The following GID4 variants were observed in gnomAD, a reference collection of about 807,000 sequenced individuals.
GID4 encodes the protein glucose-induced degradation protein 4 homolog.
GID4 carries 7 observed loss-of-function variants against 32.4 expected under a neutral mutation model. The observed-to-expected ratio is 0.22, with a 90% CI of 0.12 to 0.41. GID4 has a LOEUF of 0.41. Ranked by LOEUF, GID4 falls within the 10% of genes least tolerant of loss-of-function variation. GID4 has a pLI of 1.00. For missense variants in GID4, 309 were observed against 400.0 expected (o/e 0.77, Z 1.94); for synonymous variants, 166 against 170.0 (o/e 0.98, Z 0.18).
At chr17:18,051,056 C>T (rs757154853) in intron 2 of GID4, among the ~76,000 whole-genome samples, 90 of 152,234 alleles carry the variant, frequency 5.9e-4, no homozygotes, top group Middle Eastern at 6.8e-3. Flanking sequence ...CCTGTAGTTA[C>T]CCTGATATAC....
At position 18,067,012 on chromosome 17, in the gene GID4, C is replaced by T. The variant is rs2045070020; in HGVS notation, c.*1769C>T. Reference sequence around the variant, plus strand: ...ATTCCCAGAGATGAGTCAGAACAGTCTCCTCAATCCTGAAATTCAACAAGG... The same window carrying T: ...ATTCCCAGAGATGAGTCAGAACAGTTTCCTCAATCCTGAAATTCAACAAGG... On this transcript the variant is annotated 3_prime_UTR_variant, in exon 6 of 6. Coordinates refer to ENST00000268719, the MANE Select transcript of GID4 (RefSeq NM_024052.5). 6.6e-6 allele frequency: 1 copy of T among 152,208 alleles called. No homozygotes were observed. The highest frequency in any genetic ancestry group is 1.5e-5 in the Non-Finnish European group (1 of 68,052). 9.4% of individuals were successfully genotyped at this position (152,208 alleles called of 1,614,324 possible). A position where few individuals can be genotyped will look rare whatever the true frequency, so the allele number is the denominator to read the frequency against.
intron 5 of GID4, among the ~76,000 whole-genome samples, chr17:18,064,766 G>T (rs1041724096): frequency 3.3e-5 from 5 of 152,156 alleles, no homozygotes; most frequent in Non-Finnish European, 5.9e-5. Context: ...GATACCATGA[G>T]AATCAGTTTA....
At chr17:18,064,841 G>A (rs2045046635) in intron 5 of GID4, among the ~76,000 whole-genome samples, 1 of 152,136 alleles carries the variant, frequency 6.6e-6, no homozygotes, top group Non-Finnish European at 1.5e-5. Flanking sequence ...CAGCAGGAGA[G>A]GTCAGAGCAG....
intron 2 of GID4, among the ~76,000 whole-genome samples, chr17:18,048,061 C>T (rs890354579): frequency 7.2e-5 from 11 of 151,742 alleles, no homozygotes; most frequent in South Asian, 2.1e-4. Context: ...CCACCACACC[C>T]GGCTAATTTT....
intron 2 of GID4, among the ~76,000 whole-genome samples, chr17:18,047,859 C>T (rs953880376): frequency 6.6e-6 from 1 of 151,756 alleles, no homozygotes; most frequent in African/African-American, 2.4e-5. Context: ...GTATACAGTT[C>T]ATTGGTTTTT....
In GID4 at chr17:18,066,666, A is replaced by G. The variant is rs1320862278; in HGVS notation, c.*1423A>G. The G allele has an allele frequency of 1.3e-5, 2 of 152,158 alleles. No homozygotes were observed. The highest frequency in any genetic ancestry group is 2.4e-5 in the African/African-American group (1 of 41,432). 9.4% of individuals were successfully genotyped at this position (152,158 alleles called of 1,614,324 possible). ...CATCATAACCCCCAGGAGCAAAGCA[A>G]CCTGGAGGCTGCATATCCATGGGCG... On this transcript the variant is annotated 3_prime_UTR_variant, in exon 6 of 6. Coordinates refer to ENST00000268719, the MANE Select transcript of GID4 (RefSeq NM_024052.5).
chr17:18,059,812 G>C (rs186712162), intron 4 of GID4, among the ~76,000 whole-genome samples: 2 of 152,020 alleles, frequency 1.3e-5, no homozygotes, highest in Non-Finnish European at 2.9e-5. Context: ...TCGGCCGGGC[G>C]TGGTGGATCA....
intron 3 of GID4, chr17:18,056,699 T>G: frequency 6.5e-7 from 1 of 1,547,458 alleles, no homozygotes; most frequent in Non-Finnish European, 8.7e-7. Context: ...TTGACTTCCG[T>G]TAGAACATTG....
rs1332654162 is a variant in GID4 at position 18,068,219 on chromosome 17, T to C, written c.*2976T>C. 3.3e-5 allele frequency: 5 copies of C among 152,584 alleles called. No homozygotes were observed. Among genetic ancestry groups the C allele is most frequent in the Non-Finnish European group, 7.4e-5 (5 of 68,024 alleles). 9.5% of individuals were successfully genotyped at this position (152,584 alleles called of 1,614,324 possible). ...ACTAACAAGTTGTGGGAAAGAAAAA[T>C]AATATTTGATTTTGAATCTTAAATG... On this transcript the variant is annotated 3_prime_UTR_variant, in exon 6 of 6. Coordinates refer to ENST00000268719, the MANE Select transcript of GID4 (RefSeq NM_024052.5).
intron 5 of GID4, 53 bp from the exon 6 acceptor site, chr17:18,065,127 G>T: frequency 7.4e-7 from 1 of 1,350,496 alleles, no homozygotes. Flanking sequence ...AATGTCCTTT[G>T]CTCAGGGTGC....
intron 5 of GID4, among the ~76,000 whole-genome samples, chr17:18,064,459 C>T (rs752648085): frequency 3.1e-4 from 47 of 151,980 alleles, no homozygotes; most frequent in Non-Finnish European, 6.2e-4. Context: ...AGAAATAAGC[C>T]GCTTTTTCCT....
rs368767539 is a variant in GID4, at chr17:18,065,246, A to G, written c.*3A>G. 3.7e-6 allele frequency: 6 copies of G among 1,611,224 alleles called. No homozygotes were observed. In the African/African-American group the frequency reaches 4.0e-5, roughly 11 times the overall value. On this transcript the variant is annotated 3_prime_UTR_variant, in exon 6 of 6. Coordinates refer to ENST00000268719, the MANE Select transcript of GID4 (RefSeq NM_024052.5). The stretch of plus-strand genomic sequence containing the variant: ...CACCCATCTATGAATTCCGGTGACA[A>G]CGGTTCAGAACAGCAACCAAATAAA...
chr17:18,054,491 A>G (rs1015916064), intron 3 of GID4, among the ~76,000 whole-genome samples: 3 of 152,194 alleles, frequency 2.0e-5, no homozygotes, highest in Admixed American at 6.5e-5. Context: ...CTGCTCAGCT[A>G]TCAGAATCTT....
chr17:18,041,220 G>T (rs1206370631), intron 1 of GID4, among the ~76,000 whole-genome samples: 1 of 152,032 alleles, frequency 6.6e-6, no homozygotes, highest in Non-Finnish European at 1.5e-5. Flanking sequence ...CACCCCCCGG[G>T]GTGTGAGGGT....
In GID4 at chr17:18,061,779, A is replaced by C; in HGVS notation, c.709-66A>C. ...TGGTCCTTAGAACCCCCTGATGCTT[A>C]ACAGGGAGGCCCCGTGGGTGGTCAG... On this transcript the variant is annotated intron_variant, in intron 4 of 5. Coordinates refer to ENST00000268719, the MANE Select transcript of GID4 (RefSeq NM_024052.5). This position sits in a 1 kb window ranked among gnomAD's most constrained non-coding sequence, Gnocchi z 4.4. The C allele has an allele frequency of 3.3e-6, 5 of 1,530,126 alleles. No individual in the cohort carries two copies. The highest frequency in any genetic ancestry group is 4.5e-6 in the Non-Finnish European group (5 of 1,106,428). 94.8% of individuals were successfully genotyped at this position (1,530,126 alleles called of 1,614,324 possible).
At position 18,039,799 on chromosome 17, in the gene GID4, C is replaced by G; in HGVS notation, c.335C>G (p.Thr112Ser). 6.3e-7 allele frequency: 1 copy of G among 1,576,598 alleles called. No individual in the cohort carries two copies. The highest frequency in any genetic ancestry group is 8.6e-7 in the Non-Finnish European group (1 of 1,162,726). Residue 112 changes from threonine (T) to serine (S), a missense_variant, in exon 1 of 6, where the codon ACC (threonine) becomes AGC (serine). Physicochemically the swap from Thr to Ser is moderately conservative, Grantham distance 58. Transcript: ENST00000268719. This position sits in a 1 kb window ranked among gnomAD's most constrained non-coding sequence, Gnocchi z 5.3. ...ASLIPPPPIN[T>S]QQPGVATSLL... ...CTCATCCCGCCGCCGCCCATCAACA[C>G]CCAGCAGCCCGGCGTGGCCACCAGC...
rs747919270 is a variant in GID4 at position 18,039,669 on chromosome 17, G to T, written c.205G>T (p.Val69Phe). The T allele has an allele frequency of 1.4e-6, 2 of 1,384,164 alleles. No homozygotes were observed. Among genetic ancestry groups the T allele is most frequent in the African/African-American group, 1.5e-5 (1 of 66,308 alleles). 85.7% of individuals were successfully genotyped at this position (1,384,164 alleles called of 1,614,324 possible). ...CCTCGGCTCCCGCGCGGCGGCGGCG[G>T]TTCCTCTCCCACTCCCCCCAGCCCT... ...TLLGSRAAAA[V>F]PLPLPPALAP... Residue 69 changes from valine to phenylalanine, a missense_variant, in exon 1 of 6, where the codon GTT becomes TTT. Around this residue, in one of 2 missense-constraint regions of GID4, gnomAD observed 193 missense variants for 185.8 expected, o/e 1.04. Coordinates refer to ENST00000268719, the MANE Select transcript of GID4 (RefSeq NM_024052.5). This position sits in a 1 kb window ranked among gnomAD's most constrained non-coding sequence, Gnocchi z 5.3.
chr17:18,054,527 C>T (rs183188343), intron 3 of GID4, among the ~76,000 whole-genome samples: 1 of 152,286 alleles, frequency 6.6e-6, no homozygotes, highest in African/African-American at 2.4e-5. Context: ...TCCTTCCCAC[C>T]TGTTTGTCCA....
chr17:18,040,049 C>T, intron 1 of GID4, 147 bp downstream of exon 1: 2 of 1,117,312 alleles, frequency 1.8e-6, no homozygotes, highest in South Asian at 4.1e-5. Flanking sequence ...GGGACCTTCC[C>T]AGCCTGTGTC....
Sources: allele counts gnomAD v4.1 joint callset (sites outside exome capture counted in the v4.1 genomes callset), GRCh38; gene constraint gnomAD v4.1.1; regional missense constraint gnomAD v4.1.1; non-coding constraint Gnocchi (gnomAD v3.1); transcripts MANE v1.5; gene names NCBI Gene and HGNC (gene_info 2026-07-23, HGNC 2026-07-21).